The following RBFOX1 variants were observed in gnomAD, a reference collection of about 807,000 sequenced individuals.
RBFOX1 encodes the protein RNA binding protein fox-1 homolog 1.
A neutral mutation model predicts 57.7 loss-of-function variants in RBFOX1; 8 were observed. The ratio of observed to expected loss-of-function variants is 0.14; its 90% CI spans 0.08 to 0.25. The LOEUF is 0.25. RBFOX1 is among the 10% of genes least tolerant of loss of function. The probability of loss-of-function intolerance (pLI) is 1.00; values close to 1 mark genes in which losing one functional copy is unlikely to be tolerated. For missense variants in RBFOX1, 611 were observed against 548.5 expected (o/e 1.11, Z -1.14); for synonymous variants, 326 against 222.4 (o/e 1.47, Z -4.15).
chr16:7,318,215 G>A (rs1013805004), intron 4 of RBFOX1, among the ~76,000 whole-genome samples: 2 of 152,014 alleles, frequency 1.3e-5, no homozygotes, highest in African/African-American at 2.4e-5. Context: ...TGGTGTTGGT[G>A]GTGATGGCCA....
intron 5 of RBFOX1, among the ~76,000 whole-genome samples, chr16:7,530,672 G>A (rs1358524112): frequency 6.6e-6 from 1 of 152,090 alleles, no homozygotes; most frequent in East Asian, 1.9e-4. Flanking sequence ...TTCTTCCTTT[G>A]TATCCCCGAA....
chr16:6,361,773 A>C (rs2088588331), intron 2 of RBFOX1, among the ~76,000 whole-genome samples: 1 of 152,206 alleles, frequency 6.6e-6, no homozygotes, highest in Admixed American at 6.5e-5. Context: ...AGTGTATTTT[A>C]AAGATTTCCC....
intron 3 of RBFOX1, among the ~76,000 whole-genome samples, chr16:6,784,032 T>G (rs1173503964): frequency 6.6e-6 from 1 of 152,158 alleles, no homozygotes; most frequent in East Asian, 1.9e-4. Flanking sequence ...CTTTATATTT[T>G]CTTTGCTTAT....
intron 1 of RBFOX1, among the ~76,000 whole-genome samples, chr16:6,148,651 G>C (rs999681573): frequency 6.6e-6 from 1 of 152,174 alleles, no homozygotes; most frequent in African/African-American, 2.4e-5. Flanking sequence ...TAAAATGCTG[G>C]TGATGTAGAA....
chr16:7,133,548 C>A (rs1257528193), intron 4 of RBFOX1, among the ~76,000 whole-genome samples: 2 of 152,106 alleles, frequency 1.3e-5, no homozygotes, highest in African/African-American at 4.8e-5. Context: ...AGAGAGAGAG[C>A]AGCTCTTGTC....
chr16:5,639,897 G>A (rs2048805188), intron 3 of RBFOX1, among the ~76,000 whole-genome samples: 1 of 152,162 alleles, frequency 6.6e-6, no homozygotes, highest in African/African-American at 2.4e-5. Flanking sequence ...GCTATTTTCT[G>A]CTAAAGCATG....
chr16:7,264,300 A>AC (rs1165666914), intron 4 of RBFOX1, among the ~76,000 whole-genome samples: 1 of 152,258 alleles, frequency 6.6e-6, no homozygotes, highest in African/African-American at 2.4e-5. Flanking sequence ...GCTGATAGGC[A>AC]CTAAAGCAAA....
intron 3 of RBFOX1, among the ~76,000 whole-genome samples, chr16:6,657,942 C>T (rs1214352729): frequency 6.6e-6 from 1 of 151,860 alleles, no homozygotes; most frequent in Non-Finnish European, 1.5e-5. Flanking sequence ...TTTCTTTCAC[C>T]TCCCCTGGCT....
At chr16:7,578,570 C>G (rs760344243) in intron 5 of RBFOX1, among the ~76,000 whole-genome samples, 7 of 152,154 alleles carry the variant, frequency 4.6e-5, no homozygotes, top group Non-Finnish European at 8.8e-5. Flanking sequence ...AGATTGTCTT[C>G]TCTCGGTCGT....
intron 1 of RBFOX1, among the ~76,000 whole-genome samples, chr16:6,146,063 A>T (rs1023983545): frequency 6.6e-6 from 1 of 152,204 alleles, no homozygotes; most frequent in Non-Finnish European, 1.5e-5. Flanking sequence ...TTGGCTTTAC[A>T]TGGGGATCCA....
intron 4 of RBFOX1, among the ~76,000 whole-genome samples, chr16:7,455,059 C>T (rs2058223465): frequency 6.6e-6 from 1 of 152,176 alleles, no homozygotes; most frequent in Non-Finnish European, 1.5e-5. Context: ...TGTCAGGTAC[C>T]ATGCTAGGCA....
chr16:6,068,126 G>A (rs992083508), intron 1 of RBFOX1, among the ~76,000 whole-genome samples: 2 of 152,050 alleles, frequency 1.3e-5, no homozygotes, highest in Non-Finnish European at 2.9e-5. Flanking sequence ...GTTTCACTAA[G>A]GAAACATGGT....
Position 5,246,351 on chromosome 16 carries a change from G to T in RBFOX1, c.219+6246G>T, listed in dbSNP as rs113141443. Among the ~76,000 whole-genome samples, 1,478 of 152,274 alleles carry T rather than the reference G, an allele frequency of 9.7e-3. 32 individuals carry two copies. Among genetic ancestry groups the T allele is most frequent in the African/African-American group, 0.034 (1,408 of 41,548 alleles). On this transcript the variant is annotated intron_variant, in intron 1 of 2. Transcript: ENST00000585867. ...GTTGAATTTATTGAATTGACAAAAA[G>T]TATGTACAAGAGGGTATACAACATG... is the stretch of plus-strand genomic sequence containing the variant.
At chr16:7,006,445 G>A (rs774813682) in intron 3 of RBFOX1, among the ~76,000 whole-genome samples, 24 of 152,136 alleles carry the variant, frequency 1.6e-4, no homozygotes, top group Non-Finnish European at 2.6e-4. Context: ...GAGCCACTGC[G>A]CCCGGCCAAA....
chr16:7,418,641 T>C (rs2098507915), intron 4 of RBFOX1, among the ~76,000 whole-genome samples: 1 of 152,218 alleles, frequency 6.6e-6, no homozygotes, highest in Admixed American at 6.5e-5. Context: ...TTAGATTAGA[T>C]TGGATCTTAG....
At chr16:6,487,686 AAAAAAAAAAAAAAAATATAT>A (rs2095521316) in intron 2 of RBFOX1, among the ~76,000 whole-genome samples, 5 of 21,798 alleles carry the variant, frequency 2.3e-4, no homozygotes, top group African/African-American at 4.7e-4. Flanking sequence ...AAAAAAAAAA[AAAAAAAAAAAAAAAATATAT>A]ATATATATAT....
In RBFOX1 at chr16:6,894,269, C is replaced by A. The variant is rs1018398974; in HGVS notation, c.-15-157788C>A. 5.3e-5 allele frequency among the ~76,000 whole-genome samples: 8 copies of A among 152,310 alleles called. No homozygotes were observed. The East Asian group carries it at 1.5e-3, about 29-fold the overall frequency. ...GTCATTGGTCATTTCAGCACAGTTT[C>A]ATAATATGTCTCTATTTCCAAGGGG... On this transcript the variant is annotated intron_variant, in intron 3 of 15. Transcript: ENST00000550418.
intron 2 of RBFOX1, among the ~76,000 whole-genome samples, chr16:6,510,124 C>T (rs1490576825): frequency 1.3e-5 from 2 of 152,130 alleles, no homozygotes; most frequent in Non-Finnish European, 2.9e-5. Flanking sequence ...ATCCTGAGCT[C>T]TTTGATGGGA....
intron 3 of RBFOX1, among the ~76,000 whole-genome samples, chr16:6,903,726 C>G (rs927277688): frequency 1.3e-5 from 2 of 151,926 alleles, no homozygotes; most frequent in African/African-American, 4.8e-5. Flanking sequence ...CTGGGAGGGA[C>G]TAATAGGACC....
Sources: allele counts gnomAD v4.1 joint callset (sites outside exome capture counted in the v4.1 genomes callset), GRCh38; gene constraint gnomAD v4.1.1; transcripts MANE v1.5; gene names NCBI Gene and HGNC (gene_info 2026-07-23, HGNC 2026-07-21).